Variants in TEX101 observed in about 807,000 individuals in gnomAD.
The protein encoded by TEX101 is testis expressed 101.
TEX101 carries 10 observed loss-of-function variants against 18.1 expected under a neutral mutation model. That is an observed-to-expected ratio of 0.55 (90% CI 0.34 to 0.94). The LOEUF is 0.94. TEX101 is among the 40% of genes least tolerant of loss of function. The pLI, the probability that TEX101 is intolerant of heterozygous loss-of-function variation, is 0.02. For missense variants in TEX101, 259 were observed against 298.9 expected, an observed-to-expected ratio of 0.87 and a Z score of 0.98; for synonymous variants, 94 against 114.8, an observed-to-expected ratio of 0.82 and a Z score of 1.16.
exon 3 of TEX101, chr19:43,406,299 G>C: frequency 1.8e-6 from 1 of 541,456 alleles, no homozygotes; most frequent in Non-Finnish European, 3.3e-6. Context: ...TCTTAAAAGA[G>C]CCAATGCCCC....
intron 4 of TEX101, among the ~76,000 whole-genome samples, chr19:43,417,204 C>T (rs1247695104): frequency 6.6e-6 from 1 of 152,152 alleles, no homozygotes; most frequent in Non-Finnish European, 1.5e-5. Flanking sequence ...ATTTCCCTCT[C>T]TTCCCTCTCT....
chr19:43,417,318 CA>C (rs200903495), intron 4 of TEX101, among the ~76,000 whole-genome samples: 3 of 151,634 alleles, frequency 2.0e-5, no homozygotes, highest in African/African-American at 4.8e-5. Flanking sequence ...AAAACAAAAA[CA>C]AAAAAAACAG....
upstream of TEX101, among the ~76,000 whole-genome samples, chr19:43,411,105 C>A (rs1970415468): frequency 6.6e-6 from 1 of 152,132 alleles, no homozygotes. Flanking sequence ...GAAACAGAGT[C>A]TTGCTCTGTC....
chr19:43,404,591 A>G (rs1254861233), intron 2 of TEX101, among the ~76,000 whole-genome samples: 5 of 152,078 alleles, frequency 3.3e-5, no homozygotes, highest in African/African-American at 1.2e-4. Flanking sequence ...AGATTCACCA[A>G]TTGTTAACAT....
upstream of TEX101, among the ~76,000 whole-genome samples, chr19:43,413,496 C>CAA (rs71169233): frequency 7.5e-6 from 1 of 133,742 alleles, no homozygotes; most frequent in Non-Finnish European, 1.6e-5. Flanking sequence ...AGGGAGACTC[C>CAA]AAAAAAAAAA....
chr19:43,397,336 G>A (rs2122308949), upstream of TEX101, among the ~76,000 whole-genome samples: 1 of 152,104 alleles, frequency 6.6e-6, no homozygotes, highest in South Asian at 2.1e-4. Flanking sequence ...GCTGTCCTGT[G>A]CCTGGGGTGT....
intron 1 of TEX101, among the ~76,000 whole-genome samples, chr19:43,402,419 C>T (rs1970325673): frequency 6.6e-6 from 1 of 152,184 alleles, no homozygotes; most frequent in South Asian, 2.1e-4. Flanking sequence ...CCAAACCTTA[C>T]ATCAATAAAA....
intron 1 of TEX101, among the ~76,000 whole-genome samples, chr19:43,401,765 A>G (rs546527796): frequency 6.6e-6 from 1 of 152,318 alleles, no homozygotes; most frequent in East Asian, 1.9e-4. Context: ...AGGCAGGAGA[A>G]TAGCTTGAAC....
Position 43,416,227 on chromosome 19 carries a change from C to T in TEX101, c.193C>T (p.Leu65=). 6.2e-7 allele frequency: 1 copy of T among 1,608,730 alleles called. No individual in the cohort carries two copies. Among genetic ancestry groups the T allele is most frequent in the Non-Finnish European group, 8.5e-7 (1 of 1,177,784 alleles). ...DKGALCQETI[L]IIKAGTETAI... ...AGGGGCACTTTGCCAGGAAACCATA[C>T]TAATAATTAAAGCAGGTGAAATGAG... Residue 65 remains leucine, a synonymous_variant, in exon 3 of 6, where the codon CTA becomes TTA. Coordinates refer to ENST00000598265, the MANE Select transcript of TEX101 (RefSeq NM_001130011.3).
At chr19:43,400,150 G>A (rs1360701508), upstream of TEX101, among the ~76,000 whole-genome samples, 1 of 152,090 alleles carries the variant, frequency 6.6e-6, no homozygotes, top group Non-Finnish European at 1.5e-5. Flanking sequence ...TGTAGTATAT[G>A]ATAATTTCCT....
upstream of TEX101, among the ~76,000 whole-genome samples, chr19:43,411,238 A>G (rs1970416526): frequency 6.6e-6 from 1 of 152,082 alleles, no homozygotes; most frequent in Non-Finnish European, 1.5e-5. Context: ...CACCACGCCC[A>G]GCTAATTTTT....
At chr19:43,394,316 G>A in the TEX101 span, among the ~76,000 whole-genome samples, 3 of 152,016 alleles carry the variant, frequency 2.0e-5, no homozygotes, top group East Asian at 1.9e-4. Flanking sequence ...TGAGATGTAA[G>A]CAGATCCTAT....
upstream of TEX101, among the ~76,000 whole-genome samples, chr19:43,397,374 C>T (rs1463686807): frequency 6.6e-6 from 1 of 152,068 alleles, no homozygotes; most frequent in Admixed American, 6.6e-5. Flanking sequence ...TATAACTGGA[C>T]CCATCCCATC....
chr19:43,389,014 C>G, the TEX101 span, among the ~76,000 whole-genome samples: 2 of 152,120 alleles, frequency 1.3e-5, no homozygotes, highest in African/African-American at 4.8e-5. Context: ...CTCGAGGCAT[C>G]GTAGCTTCCC....
the TEX101 span, among the ~76,000 whole-genome samples, chr19:43,389,415 C>T: frequency 6.6e-6 from 1 of 152,118 alleles, no homozygotes; most frequent in Non-Finnish European, 1.5e-5. Flanking sequence ...GAGTGGGGAT[C>T]GGGGACAGAA....
chr19:43,394,584 C>A, the TEX101 span, among the ~76,000 whole-genome samples: 1,008 of 152,094 alleles, frequency 6.6e-3, 4 homozygotes, highest in African/African-American at 0.023. Flanking sequence ...GATTCTCCTG[C>A]CTCGGCCTCT....
upstream of TEX101, among the ~76,000 whole-genome samples, chr19:43,411,726 C>T (rs996278901): frequency 6.6e-6 from 1 of 151,994 alleles, no homozygotes; most frequent in Non-Finnish European, 1.5e-5. Flanking sequence ...TCTCAGCTCA[C>T]TGCAACCTCC....
chr19:43,390,861 A>C, the TEX101 span, among the ~76,000 whole-genome samples: 2 of 151,082 alleles, frequency 1.3e-5, no homozygotes, highest in African/African-American at 4.9e-5. Flanking sequence ...GAACTTTTTC[A>C]TATTCCCCAA....
chr19:43,413,676 G>A (rs895342373), upstream of TEX101, among the ~76,000 whole-genome samples: 1 of 152,174 alleles, frequency 6.6e-6, no homozygotes, highest in African/African-American at 2.4e-5. Flanking sequence ...ACATAGGCCA[G>A]GGGTGGTGGC....
Sources: gnomAD v4.1 joint callset for allele counts (sites outside exome capture counted in the v4.1 genomes callset) on GRCh38, gnomAD v4.1.1 for gene constraint, MANE v1.5 for transcripts, NCBI Gene and HGNC (gene_info 2026-07-23, HGNC 2026-07-21) for gene names.